Variants in CAST observed in about 807,000 individuals in gnomAD.
CAST encodes MIR583 host.
In CAST, 76 loss-of-function variants were observed where a neutral mutation model predicts 119.6. The observed-to-expected ratio is 0.64, with a 90% CI of 0.53 to 0.77. CAST has a LOEUF of 0.77. CAST is among the 30% of genes least tolerant of loss of function. The pLI, the probability that CAST is intolerant of heterozygous loss-of-function variation, is 0.00. For synonymous variants in CAST, 319 were observed against 331.6 expected, an observed-to-expected ratio of 0.96 and a Z score of 0.41; for missense variants, 953 against 946.5, an observed-to-expected ratio of 1.01 and a Z score of -0.09.
chr5:96,735,566 A>G (rs1416270539), intron 9 of CAST, among the ~76,000 whole-genome samples: 2 of 152,242 alleles, frequency 1.3e-5, no homozygotes, highest in East Asian at 3.8e-4. Context: ...AGATGCCACA[A>G]TAGGATCAGA....
chr5:96,579,990 G>A (rs1218169988), intron 1 of CAST, among the ~76,000 whole-genome samples: 1 of 152,246 alleles, frequency 6.6e-6, no homozygotes, highest in Admixed American at 6.5e-5. Flanking sequence ...AAGGGGTCAA[G>A]AGGTGATTAT....
chr5:96,138,735 A>G, the CAST span, among the ~76,000 whole-genome samples: 2 of 151,868 alleles, frequency 1.3e-5, no homozygotes, highest in Non-Finnish European at 2.9e-5. Flanking sequence ...AAATGGTATT[A>G]TTTTTTAAGC....
chr5:96,495,522 G>T, the CAST span, among the ~76,000 whole-genome samples: 3 of 152,210 alleles, frequency 2.0e-5, no homozygotes, highest in Middle Eastern at 6.8e-3. Context: ...GCGGTGTTTG[G>T]TTTTCTGTTC....
At chr5:96,534,794 AAAGAAAGAAGAAAG>A (rs1268480889) in intron 1 of CAST, among the ~76,000 whole-genome samples, 1 of 126,230 alleles carries the variant, frequency 7.9e-6, no homozygotes, top group Non-Finnish European at 1.8e-5. Context: ...AGAAAGAAAG[AAAGAAAGAAGAAAG>A]AAAGAAAGAA....
intron 29 of CAST, 85 bp from the exon 30 acceptor site, chr5:96,770,446 G>A (rs1771863760): frequency 4.9e-6 from 4 of 814,852 alleles, no homozygotes; most frequent in South Asian, 4.3e-5. Flanking sequence ...ATCTCAGAAT[G>A]GTCTGGATTA....
intron 1 of CAST, among the ~76,000 whole-genome samples, chr5:96,620,170 C>T (rs552189472): frequency 6.6e-6 from 1 of 152,306 alleles, no homozygotes; most frequent in South Asian, 2.1e-4. Context: ...TTCTCTCCTC[C>T]CTTGTCCTCT....
chr5:96,742,014 G>C (rs762940043), intron 15 of CAST: 1 of 167,094 alleles, frequency 6.0e-6, no homozygotes, highest in Non-Finnish European at 1.3e-5. Flanking sequence ...AGGCAATCCT[G>C]CAGCTCTGTG....
chr5:96,735,275 T>C (rs142777373), intron 9 of CAST, among the ~76,000 whole-genome samples: 270 of 152,360 alleles, frequency 1.8e-3, no homozygotes, highest in Non-Finnish European at 3.0e-3. Flanking sequence ...CAAGCAGCCA[T>C]GCATGTCTCA....
the CAST span, among the ~76,000 whole-genome samples, chr5:96,360,695 C>G: frequency 6.6e-6 from 1 of 152,190 alleles, no homozygotes; most frequent in Admixed American, 6.5e-5. Context: ...CCTGTTCCTT[C>G]CTCTGGAAGC....
chr5:96,651,842 G>A (rs1748098434), intron 1 of CAST, among the ~76,000 whole-genome samples: 1 of 152,136 alleles, frequency 6.6e-6, no homozygotes, highest in Non-Finnish European at 1.5e-5. Context: ...TATCCTGTAG[G>A]TTTAGAGCTT....
the CAST span, among the ~76,000 whole-genome samples, chr5:96,516,369 A>T: frequency 7.5e-5 from 7 of 93,604 alleles, no homozygotes; most frequent in African/African-American, 2.1e-4. Flanking sequence ...ATGTGAAAAT[A>T]AAAAAAAAAT....
the CAST span, among the ~76,000 whole-genome samples, chr5:96,245,436 G>A: frequency 6.6e-6 from 1 of 152,190 alleles, no homozygotes; most frequent in African/African-American, 2.4e-5. Flanking sequence ...TCTCATAGGA[G>A]TGTACAGAAA....
At chr5:96,356,893 A>G in the CAST span, among the ~76,000 whole-genome samples, 1 of 152,194 alleles carries the variant, frequency 6.6e-6, no homozygotes, top group Non-Finnish European at 1.5e-5. Flanking sequence ...CTTGATGTGG[A>G]TAGCATTGAG....
intron 24 of CAST, among the ~76,000 whole-genome samples, chr5:96,757,931 C>T (rs1464802211): frequency 2.0e-5 from 3 of 151,982 alleles, no homozygotes; most frequent in Non-Finnish European, 2.9e-5. Flanking sequence ...CCTCATGATC[C>T]GCCCACCTCG....
At chr5:96,696,701 T>TAAAAA in intron 3 of CAST, among the ~76,000 whole-genome samples, 1 of 50,028 alleles carries the variant, frequency 2.0e-5, no homozygotes, top group East Asian at 5.5e-4. Flanking sequence ...AAAAAAAAAT[T>TAAAAA]AAAAATTAGC....
At chr5:96,382,612 T>C in the CAST span, among the ~76,000 whole-genome samples, 2 of 152,194 alleles carry the variant, frequency 1.3e-5, no homozygotes, top group East Asian at 3.8e-4. Context: ...ACAGTGCCCA[T>C]GAGAGCAGAG....
the CAST span, among the ~76,000 whole-genome samples, chr5:96,069,359 GTGTGTGTGTGTGTGTGTGTGTGTCTA>G: frequency 1.6e-5 from 1 of 64,042 alleles, no homozygotes. Context: ...GTATGTATGT[GTGTGTGTGTGTGTGTGTGTGTGTCTA>G]TGTGTGTGTG....
intron 3 of CAST, among the ~76,000 whole-genome samples, chr5:96,712,896 C>G (rs530773388): frequency 1.4e-4 from 22 of 152,258 alleles, no homozygotes; most frequent in African/African-American, 5.3e-4. Context: ...TCTCTCAGTC[C>G]TCATGTTTGG....
the CAST span, among the ~76,000 whole-genome samples, chr5:96,071,113 G>A: frequency 1.3e-5 from 2 of 151,990 alleles, no homozygotes; most frequent in Non-Finnish European, 2.9e-5. Context: ...ACCCATTTAG[G>A]GTAGACAGTC....
Sources: allele counts gnomAD v4.1 joint callset (sites outside exome capture counted in the v4.1 genomes callset), GRCh38; gene constraint gnomAD v4.1.1; transcripts MANE v1.5; gene names NCBI Gene and HGNC (gene_info 2026-07-23, HGNC 2026-07-21).